Variants in TXNRD1 observed in about 807,000 individuals in gnomAD.
TXNRD1 encodes thioredoxin reductase 1, cytoplasmic.
In TXNRD1, 57 loss-of-function variants were observed where a neutral mutation model predicts 80.3. That is an observed-to-expected ratio of 0.71 (90% CI 0.57 to 0.89). TXNRD1 has a LOEUF of 0.89. Ranked by LOEUF, TXNRD1 falls within the 40% of genes least tolerant of loss-of-function variation. The probability of loss-of-function intolerance (pLI) is 0.00; values close to 1 mark genes in which losing one functional copy is unlikely to be tolerated. For synonymous variants in TXNRD1, 291 were observed against 285.2 expected (o/e 1.02, Z -0.20); for missense variants, 730 against 803.0 (o/e 0.91, Z 1.10).
intron 6 of TXNRD1, among the ~76,000 whole-genome samples, chr12:104,314,298 T>C (rs1287575118): frequency 6.6e-6 from 1 of 152,202 alleles, no homozygotes; most frequent in African/African-American, 2.4e-5. Flanking sequence ...TGTGATAATA[T>C]AAGATTTTTT....
Position 104,327,545 on chromosome 12 carries a change from A to C in TXNRD1, c.1416A>C (p.Glu472Asp). 1 of 1,613,678 alleles carries C rather than the reference A, an allele frequency of 6.2e-7. No homozygotes were observed. The highest frequency in any genetic ancestry group is 8.5e-7 in the Non-Finnish European group (1 of 1,179,744). The change falls in exon 13 of 17, where the codon GAA becomes GAC. Residue 472 changes from glutamate (E) to aspartate (D), a missense_variant. Coordinates refer to ENST00000525566, the MANE Select transcript of TXNRD1 (RefSeq NM_001093771.3). ...KTGKIPVTDE[E>D]QTNVPYIYAI... Reference sequence around the variant, plus strand: ...GAAAAATACCTGTCACAGATGAAGAACAGACCAATGTGCCTTACATCTATG... The same window carrying C: ...GAAAAATACCTGTCACAGATGAAGACCAGACCAATGTGCCTTACATCTATG...
At chr12:104,245,542 A>AAAAAAAAAAAAACC (rs1394148149) in intron 1 of TXNRD1, among the ~76,000 whole-genome samples, 1 of 146,752 alleles carries the variant, frequency 6.8e-6, no homozygotes, top group African/African-American at 2.6e-5. Context: ...AAAAAAAAAA[A>AAAAAAAAAAAAACC]GAATACTGAG....
At chr12:104,237,041 G>C (rs534632024) in intron 1 of TXNRD1, among the ~76,000 whole-genome samples, 3 of 151,986 alleles carry the variant, frequency 2.0e-5, no homozygotes, top group South Asian at 2.1e-4. Flanking sequence ...GTTCTGGGGG[G>C]GTTGGGAGGG....
chr12:104,265,171 G>A (rs1026930841), intron 3 of TXNRD1: 5 of 780,818 alleles, frequency 6.4e-6, no homozygotes, highest in Non-Finnish European at 1.0e-5. Context: ...AGAATCGCTT[G>A]AACCCGGGAG....
At chr12:104,300,612 G>A (rs1301641247) in intron 4 of TXNRD1, among the ~76,000 whole-genome samples, 1 of 152,192 alleles carries the variant, frequency 6.6e-6, no homozygotes, top group Non-Finnish European at 1.5e-5. Flanking sequence ...TATGATTGGG[G>A]AGAGTTATTG....
chr12:104,242,246 G>C (rs1249583644), intron 1 of TXNRD1, among the ~76,000 whole-genome samples: 2 of 149,302 alleles, frequency 1.3e-5, no homozygotes. Context: ...GCCTACTAAT[G>C]ATTTTTTAAA....
intron 10 of TXNRD1, among the ~76,000 whole-genome samples, chr12:104,323,787 C>A (rs1361321220): frequency 7.5e-6 from 1 of 132,568 alleles, no homozygotes; most frequent in Non-Finnish European, 1.6e-5. Flanking sequence ...CCGGACGGGG[C>A]GGCTGGCCGG....
intron 4 of TXNRD1, among the ~76,000 whole-genome samples, chr12:104,298,483 T>A (rs113947657): frequency 0.11 from 17,287 of 152,176 alleles, 1,319 homozygotes; most frequent in South Asian, 0.22. Context: ...CCCAGCACTT[T>A]GGGAGGCTGA....
chr12:104,254,586 G>A (rs1361991989), intron 2 of TXNRD1, among the ~76,000 whole-genome samples: 1 of 130,502 alleles, frequency 7.7e-6, no homozygotes, highest in Non-Finnish European at 1.6e-5. Flanking sequence ...GAAGCCAGGA[G>A]TTCGAGACCA....
At chr12:104,218,447 A>G (rs12303096) in intron 1 of TXNRD1, among the ~76,000 whole-genome samples, 15,584 of 152,120 alleles carry the variant, frequency 0.1, 1,365 homozygotes, top group African/African-American at 0.24. Context: ...GTACCCCAGG[A>G]GCCCCTCTAA....
chr12:104,344,356 A>AT (rs529954612), intron 16 of TXNRD1, among the ~76,000 whole-genome samples: 8,972 of 145,400 alleles, frequency 0.062, 286 homozygotes, highest in Middle Eastern at 0.099. Flanking sequence ...AGCTCCAGTG[A>AT]TTTTTTTTTT....
At position 104,321,226 on chromosome 12, in the gene TXNRD1, T is replaced by C. The variant is rs773989222; in HGVS notation, c.1125T>C (p.Leu375=). The change falls in exon 10 of 17, where the codon CTT becomes CTC. Residue 375 remains leucine (L), a synonymous_variant. Coordinates refer to ENST00000525566, the MANE Select transcript of TXNRD1 (RefSeq NM_001093771.3). The part of the protein sequence containing the change: ...DVTVMVRSIL[L]RGFDQDMANK... ...CTGTTATGGTTAGGTCCATTCTTCT[T>C]AGAGGATTTGACCAGGACATGGCCA... 1.1e-5 allele frequency: 18 copies of C among 1,613,838 alleles called. No homozygotes were observed. The highest frequency in any genetic ancestry group is 1.4e-5 in the Non-Finnish European group (16 of 1,179,866).
chr12:104,292,584 G>A (rs1453858026), intron 4 of TXNRD1, among the ~76,000 whole-genome samples: 1 of 152,040 alleles, frequency 6.6e-6, no homozygotes, highest in Admixed American at 6.6e-5. Flanking sequence ...TAGTAGAGAT[G>A]TGGTTTTGCC....
chr12:104,310,448 C>A (rs1565894218), intron 4 of TXNRD1, among the ~76,000 whole-genome samples: 1 of 152,162 alleles, frequency 6.6e-6, no homozygotes, highest in Non-Finnish European at 1.5e-5. Context: ...TGTGCCTGGC[C>A]TACTTGATTT....
Position 104,303,880 on chromosome 12 carries a change from G to C in TXNRD1, c.415-7410G>C. ...AAGAGAAAGGAGAGGAGCAGCTCGTGATCATCCCCGGTAGCGAGTACGCGG... is the reference window on the plus strand; with the variant it reads ...AAGAGAAAGGAGAGGAGCAGCTCGTCATCATCCCCGGTAGCGAGTACGCGG... On this transcript the variant is annotated intron_variant, in intron 4 of 16. Coordinates refer to ENST00000525566, the MANE Select transcript of TXNRD1 (RefSeq NM_001093771.3). The C allele has an allele frequency of 4.0e-6, 6 of 1,502,564 alleles. No individual in the cohort carries two copies. In the South Asian group the frequency reaches 5.2e-5, roughly 13 times the overall value. 93.1% of individuals were successfully genotyped at this position (1,502,564 alleles called of 1,614,324 possible).
intron 3 of TXNRD1, among the ~76,000 whole-genome samples, chr12:104,285,763 G>T (rs2135739020): frequency 6.6e-6 from 1 of 152,292 alleles, no homozygotes; most frequent in South Asian, 2.1e-4. Flanking sequence ...TGGCTTGGGA[G>T]CCAGGAGTAA....
intron 3 of TXNRD1, among the ~76,000 whole-genome samples, chr12:104,267,920 G>T (rs1221086860): frequency 6.7e-6 from 1 of 149,852 alleles, no homozygotes; most frequent in Non-Finnish European, 1.5e-5. Flanking sequence ...CGTAATCTGG[G>T]CTCACTGCAA....
chr12:104,348,557 C>G lies in TXNRD1; in HGVS notation c.*136C>G. The stretch of plus-strand genomic sequence containing the variant: ...CTGTGCTTACCACCGCCCAAGGCCC[C>G]CTTGGATCTCTTGGATAGGAGTTGG... On this transcript the variant is annotated 3_prime_UTR_variant, in exon 17 of 17. Transcript: ENST00000525566. The G allele has an allele frequency of 1.4e-6, 1 of 735,776 alleles. No individual in the cohort carries two copies. The highest frequency in any genetic ancestry group is 2.3e-6 in the Non-Finnish European group (1 of 440,466). The allele number at this position is 735,776 out of a possible 1,614,324, so 45.6% of individuals were successfully genotyped here.
intron 1 of TXNRD1, among the ~76,000 whole-genome samples, chr12:104,228,301 C>CA (rs11349965): frequency 0.075 from 8,747 of 116,254 alleles, 404 homozygotes; most frequent in African/African-American, 0.12. Flanking sequence ...AACTCCATCT[C>CA]AAAAAAAAAA....
Sources: gnomAD v4.1 joint callset for allele counts (sites outside exome capture counted in the v4.1 genomes callset) on GRCh38, gnomAD v4.1.1 for gene constraint, MANE v1.5 for transcripts, NCBI Gene and HGNC (gene_info 2026-07-23, HGNC 2026-07-21) for gene names.